The following DPY19L2 variants were observed in gnomAD, a reference collection of about 807,000 sequenced individuals.
DPY19L2 encodes the protein probable C-mannosyltransferase DPY19L2.
A neutral mutation model predicts 97.9 loss-of-function variants in DPY19L2; 34 were observed. That is an observed-to-expected ratio of 0.35 (90% CI 0.26 to 0.46). The LOEUF (loss-of-function observed/expected upper bound fraction) is 0.46, where lower values mean the gene tolerates loss of function less well. Ranked by LOEUF, DPY19L2 falls within the 20% of genes least tolerant of loss-of-function variation. The pLI, the probability that DPY19L2 is intolerant of heterozygous loss-of-function variation, is 1.00. For missense variants in DPY19L2, 623 were observed against 911.4 expected, an observed-to-expected ratio of 0.68 and a Z score of 4.07; for synonymous variants, 230 against 307.9, an observed-to-expected ratio of 0.75 and a Z score of 2.65.
chr12:63,578,150 G>A (rs1880201062), intron 19 of DPY19L2, among the ~76,000 whole-genome samples: 1 of 152,028 alleles, frequency 6.6e-6, no homozygotes, highest in Non-Finnish European at 1.5e-5. Flanking sequence ...AAAAGAATGA[G>A]ATCCTATCCA....
At chr12:63,655,651 T>G (rs1419421700) in intron 4 of DPY19L2, among the ~76,000 whole-genome samples, 1 of 152,032 alleles carries the variant, frequency 6.6e-6, no homozygotes, top group Non-Finnish European at 1.5e-5. Flanking sequence ...TGGCCTATTT[T>G]TGTACCAGTA....
chr12:63,630,075 A>C (rs1213760852), intron 6 of DPY19L2, among the ~76,000 whole-genome samples: 2 of 152,188 alleles, frequency 1.3e-5, no homozygotes, highest in African/African-American at 4.8e-5. Context: ...AGCATGAAAT[A>C]TGGAAAGGAA....
intron 6 of DPY19L2, among the ~76,000 whole-genome samples, chr12:63,632,619 C>T (rs1173071192): frequency 3.3e-5 from 5 of 152,022 alleles, no homozygotes; most frequent in African/African-American, 4.8e-5. Context: ...GAATCAATAT[C>T]GTGAAAATGG....
chr12:63,603,287 CTCT>C (rs1885487034), intron 12 of DPY19L2, among the ~76,000 whole-genome samples: 1 of 152,144 alleles, frequency 6.6e-6, no homozygotes, highest in African/African-American at 2.4e-5. Context: ...ATATCTACCC[CTCT>C]GTGTATCTAT....
rs34042733 is a variant in DPY19L2, at chr12:63,659,477, GT to G, written c.588+1866del. ...ATATTCCCAACCAAAATCACAGCAG[GT>G]TTTTTTTTTTGAGAAATTAATAAGC... On this transcript the variant is annotated intron_variant, in intron 4 of 21. Coordinates refer to ENST00000324472, the MANE Select transcript of DPY19L2 (RefSeq NM_173812.5). Among the ~76,000 whole-genome samples the G allele has an allele frequency of 8.8e-4, 131 of 148,226 alleles. 1 individual carries two copies. The highest frequency in any genetic ancestry group is 2.6e-3 in the African/African-American group (104 of 40,492).
rs1169197458 is a variant in DPY19L2, at chr12:63,602,812, A to G, written c.1279-2426T>C. Reference sequence around the variant, plus strand: ...TATCTAGCCAATCTGTCATTCAAGTATAGACGTTATTTAAAGAAGTTGAAA... The same window carrying G: ...TATCTAGCCAATCTGTCATTCAAGTGTAGACGTTATTTAAAGAAGTTGAAA... On this transcript the variant is annotated intron_variant, in intron 12 of 21. Transcript: ENST00000324472. Among the ~76,000 whole-genome samples the G allele has an allele frequency of 5.9e-5, 9 of 152,188 alleles. 1 individual carries two copies. Among genetic ancestry groups the G allele is most frequent in the South Asian group, 4.1e-4 (2 of 4,828 alleles).
intron 6 of DPY19L2, among the ~76,000 whole-genome samples, chr12:63,642,425 T>G (rs1023161127): frequency 6.6e-6 from 1 of 152,110 alleles, no homozygotes; most frequent in African/African-American, 2.4e-5. Flanking sequence ...TTTTCTATAT[T>G]ATACGCTGAA....
chr12:63,632,512 T>A (rs972600787), intron 6 of DPY19L2, among the ~76,000 whole-genome samples: 1 of 152,112 alleles, frequency 6.6e-6, no homozygotes, highest in Non-Finnish European at 1.5e-5. Context: ...TTACAAGGGA[T>A]GTGAAGGACC....
intron 19 of DPY19L2, among the ~76,000 whole-genome samples, chr12:63,574,909 G>C (rs1879537225): frequency 1.3e-5 from 2 of 151,978 alleles, no homozygotes; most frequent in Admixed American, 6.6e-5. Context: ...CATCTAGACA[G>C]AAAATCAACA....
intron 11 of DPY19L2, among the ~76,000 whole-genome samples, chr12:63,614,358 C>T (rs1348007057): frequency 1.3e-5 from 2 of 151,902 alleles, no homozygotes; most frequent in African/African-American, 4.8e-5. Flanking sequence ...ACCAAGATAA[C>T]TGGGAGATAA....
intron 9 of DPY19L2, 54 bp downstream of exon 9, chr12:63,621,184 A>G: frequency 2.5e-6 from 3 of 1,181,478 alleles, no homozygotes; most frequent in Non-Finnish European, 3.6e-6. Context: ...CATCCCGCAC[A>G]TGTACCCCAG....
At chr12:63,566,988 C>T (rs1200258910) in intron 21 of DPY19L2, among the ~76,000 whole-genome samples, 1 of 152,058 alleles carries the variant, frequency 6.6e-6, no homozygotes, top group Non-Finnish European at 1.5e-5. Flanking sequence ...CGTTTACCAT[C>T]TGTTTGTGCT....
rs1878343937 is a variant in DPY19L2, at chr12:63,569,246, C to G, written c.2104G>C (p.Ala702Pro). 2 of 1,596,956 alleles carry G rather than the reference C, an allele frequency of 1.3e-6. No individual in the cohort carries two copies. The highest frequency in any genetic ancestry group is 4.5e-5 in the East Asian group (2 of 44,308). The change falls in exon 21 of 22, where the codon GCA (alanine) becomes CCA (proline). Residue 702 changes from alanine to proline, a missense_variant. Coordinates refer to ENST00000324472, the MANE Select transcript of DPY19L2 (RefSeq NM_173812.5). ...LHVNYYVLEE[A>P]WCVVRTKPGC... Reference sequence around the variant, plus strand: ...CACTTAGTTCTCACAACACACCATGCCTCTTCTAAAACATAATAATTCACA... The same window carrying G: ...CACTTAGTTCTCACAACACACCATGGCTCTTCTAAAACATAATAATTCACA...
chr12:63,599,512 T>G (rs886785225), intron 13 of DPY19L2, among the ~76,000 whole-genome samples: 6 of 152,126 alleles, frequency 3.9e-5, no homozygotes, highest in African/African-American at 1.4e-4. Context: ...GCATTTGACC[T>G]TTTAGAGAAG....
At chr12:63,581,370 A>C (rs547650970) in intron 18 of DPY19L2, among the ~76,000 whole-genome samples, 1 of 151,890 alleles carries the variant, frequency 6.6e-6, no homozygotes, top group East Asian at 1.9e-4. Flanking sequence ...GAACCCCAGA[A>C]TTTCTTATAG....
chr12:63,621,620 A>G (rs1252395387), intron 8 of DPY19L2, among the ~76,000 whole-genome samples: 1 of 152,202 alleles, frequency 6.6e-6, no homozygotes, highest in African/African-American at 2.4e-5. Context: ...GACATTAGAA[A>G]TTTATTACTC....
At position 63,593,213 on chromosome 12, in the gene DPY19L2, C is replaced by A. The variant is rs1240000404; in HGVS notation, c.1580+874G>T. Among the ~76,000 whole-genome samples the A allele has an allele frequency of 1.8e-4, 28 of 152,212 alleles. 1 individual carries two copies. The highest frequency in any genetic ancestry group is 1.5e-3 in the South Asian group (7 of 4,814). ...GGTGGGACTGTAAACTAGTTCAACC[C>A]TTGTGGAAGTCAGTGTGGCGATTCC... is the stretch of plus-strand genomic sequence containing the variant. On this transcript the variant is annotated intron_variant, in intron 16 of 21. Transcript: ENST00000324472.
At chr12:63,566,728 T>C (rs1284440879) in intron 21 of DPY19L2, among the ~76,000 whole-genome samples, 3 of 152,022 alleles carry the variant, frequency 2.0e-5, no homozygotes, top group Non-Finnish European at 4.4e-5. Context: ...TTTAGGCTAT[T>C]ACAAATAAAG....
rs1294504577 is a variant in DPY19L2 at position 63,617,309 on chromosome 12, T to A, written c.1213A>T (p.Thr405Ser). Residue 405 changes from threonine (T) to serine (S), a missense_variant, in exon 11 of 22, where the codon ACG becomes TCG. This residue lies in a region of DPY19L2 where 294 missense variants were observed against 446.2 expected (regional missense o/e 0.66). Transcript: ENST00000324472. ...TTTATGAACTAAACACTTACCCACG[T>A]CATTAACAAAGATGAAGAATAATAA... ...SSYYSSSLLMTWAIILKRNEI... is the reference protein window; with the variant it reads ...SSYYSSSLLMSWAIILKRNEI... 34 of 1,591,762 alleles carry A rather than the reference T, an allele frequency of 2.1e-5. No individual in the cohort carries two copies. Among genetic ancestry groups the A allele is most frequent in the Non-Finnish European group, 2.9e-5 (34 of 1,165,404 alleles).
Sources: allele counts gnomAD v4.1 joint callset (sites outside exome capture counted in the v4.1 genomes callset), GRCh38; gene constraint gnomAD v4.1.1; regional missense constraint gnomAD v4.1.1; transcripts MANE v1.5; gene names NCBI Gene and HGNC (gene_info 2026-07-23, HGNC 2026-07-21).